FHOD3: variants seen among roughly 807,000 people sequenced by gnomAD.
FHOD3 encodes the protein formin homology 2 domain containing 3.
A neutral mutation model predicts 173.0 loss-of-function variants in FHOD3; 90 were observed. The observed-to-expected ratio is 0.52, with a 90% CI of 0.44 to 0.62. The LOEUF (loss-of-function observed/expected upper bound fraction) is 0.62, where lower values mean the gene tolerates loss of function less well. Among genes scored for constraint, FHOD3 ranks in the 20% least tolerant of loss-of-function variants. The pLI is 0.00. For missense variants in FHOD3, 1,945 were observed against 2,034.7 expected, an observed-to-expected ratio of 0.96 and a Z score of 0.85; for synonymous variants, 828 against 823.0, an observed-to-expected ratio of 1.01 and a Z score of -0.10.
At chr18:36,380,114 C>T (rs1405045711) in intron 3 of FHOD3, among the ~76,000 whole-genome samples, 1 of 151,926 alleles carries the variant, frequency 6.6e-6, no homozygotes, top group Non-Finnish European at 1.5e-5. Flanking sequence ...AAACTGCTAC[C>T]AGTTCAAGAT....
chr18:36,763,452 G>A (rs2042997761), intron 27 of FHOD3, among the ~76,000 whole-genome samples: 1 of 145,286 alleles, frequency 6.9e-6, no homozygotes, highest in Non-Finnish European at 1.5e-5. Context: ...TATATAATAT[G>A]CGTATTATAC....
At chr18:36,529,514 A>G (rs2056684826) in intron 5 of FHOD3, among the ~76,000 whole-genome samples, 1 of 152,096 alleles carries the variant, frequency 6.6e-6, no homozygotes, top group Non-Finnish European at 1.5e-5. Context: ...TATATGTTTT[A>G]CAGATGTAAA....
chr18:36,749,844 G>C (rs2150143328), intron 24 of FHOD3, among the ~76,000 whole-genome samples: 1 of 152,074 alleles, frequency 6.6e-6, no homozygotes, highest in South Asian at 2.1e-4. Context: ...ACCAACATCT[G>C]TTATTTTTTG....
intron 3 of FHOD3, among the ~76,000 whole-genome samples, chr18:36,472,224 G>A (rs963280631): frequency 6.6e-6 from 1 of 152,080 alleles, no homozygotes; most frequent in African/African-American, 2.4e-5. Flanking sequence ...TGGTGTTTTC[G>A]ATGAATACTT....
intron 24 of FHOD3, among the ~76,000 whole-genome samples, chr18:36,748,382 A>ACAAC (rs1555836081): frequency 1.2e-4 from 17 of 143,568 alleles, no homozygotes; most frequent in East Asian, 4.1e-4. Context: ...ACACACACAC[A>ACAAC]ACACACACAC....
chr18:36,589,613 ATTCGCAGGGACC>A (rs1222453631), intron 6 of FHOD3, among the ~76,000 whole-genome samples: 2 of 152,184 alleles, frequency 1.3e-5, no homozygotes, highest in African/African-American at 4.8e-5. Context: ...AGAATCTTGG[ATTCGCAGGGACC>A]TTACATGGGG....
intron 14 of FHOD3, among the ~76,000 whole-genome samples, chr18:36,676,428 G>C (rs2037860173): frequency 6.6e-6 from 1 of 151,988 alleles, no homozygotes; most frequent in African/African-American, 2.4e-5. Flanking sequence ...TTATTTGTAG[G>C]TATTTGTATA....
chr18:36,370,543 C>A (rs1240756260), intron 2 of FHOD3, among the ~76,000 whole-genome samples: 1 of 152,112 alleles, frequency 6.6e-6, no homozygotes, highest in Non-Finnish European at 1.5e-5. Context: ...GAAACACACA[C>A]TCAAAGTGCA....
chr18:36,567,855 A>G (rs1287090055), intron 5 of FHOD3, among the ~76,000 whole-genome samples: 1 of 152,104 alleles, frequency 6.6e-6, no homozygotes, highest in Non-Finnish European at 1.5e-5. Flanking sequence ...TGAGAACAGC[A>G]GGGGCATATG....
chr18:36,584,236 C>T (rs1362048715), intron 6 of FHOD3, among the ~76,000 whole-genome samples: 2 of 152,160 alleles, frequency 1.3e-5, no homozygotes, highest in Non-Finnish European at 2.9e-5. Flanking sequence ...ATAGAACACT[C>T]TCCCTCCCTA....
intron 3 of FHOD3, among the ~76,000 whole-genome samples, chr18:36,430,536 T>C (rs919376817): frequency 6.6e-6 from 1 of 152,256 alleles, no homozygotes; most frequent in African/African-American, 2.4e-5. Flanking sequence ...TTTAAAATTT[T>C]AAAAATGTTT....
rs2055046705 is a variant in FHOD3, at chr18:36,501,827, C to T, written c.338-105C>T. The T allele has an allele frequency of 5.2e-6, 4 of 773,648 alleles. No individual in the cohort carries two copies. In the South Asian group the frequency reaches 6.3e-5, roughly 12 times the overall value. The allele number at this position is 773,648 out of a possible 1,614,324, so 47.9% of individuals were successfully genotyped here. A position where few individuals can be genotyped will look rare whatever the true frequency, so the allele number is the denominator to read the frequency against. ...ATCCTGAATGAAATGAATAGGCTTTCATTACCTTTCCAGGGATAGTTTTGT... is the reference window on the plus strand; with the variant it reads ...ATCCTGAATGAAATGAATAGGCTTTTATTACCTTTCCAGGGATAGTTTTGT... On this transcript the variant is annotated intron_variant, in intron 3 of 28. Transcript: ENST00000590592.
intron 3 of FHOD3, among the ~76,000 whole-genome samples, chr18:36,396,112 T>C (rs1380483511): frequency 6.6e-6 from 1 of 152,204 alleles, no homozygotes; most frequent in Non-Finnish European, 1.5e-5. Context: ...AAAGTATTGC[T>C]TTTGAAAAGT....
chr18:36,755,278 G>A lies in FHOD3; in HGVS notation c.4392G>A (p.Glu1464=), dbSNP rs376080361. The A allele has an allele frequency of 5.0e-6, 8 of 1,605,164 alleles. No individual in the cohort carries two copies. Among genetic ancestry groups the A allele is most frequent in the East Asian group, 4.5e-5 (2 of 44,644 alleles). Residue 1464 remains glutamate (E), a synonymous_variant, in exon 25 of 29, where the codon GAG becomes GAA. Coordinates refer to ENST00000590592, the MANE Select transcript of FHOD3 (RefSeq NM_001281740.3). ...QQKQKRANHR[E]RNKTRGKMIT... ...AACAGAAACGGGCCAACCACAGAGA[G>A]AGAAATAAGACCAGAGGGAAGATGA...
chr18:36,594,807 A>G lies in FHOD3; in HGVS notation c.627A>G (p.Thr209=). Residue 209 remains threonine, a synonymous_variant, in exon 7 of 29, where the codon ACA becomes ACG. Coordinates refer to ENST00000590592, the MANE Select transcript of FHOD3 (RefSeq NM_001281740.3). The stretch of plus-strand genomic sequence containing the variant: ...GCCAGTTCCGCCTGGTGGTGAAGAC[A>G]GCCCTGAAGCTGCTGCTCGTCTTTG... ...IGSKFRLVVK[T]ALKLLLVFVE... The G allele has an allele frequency of 6.2e-7, 1 of 1,613,704 alleles. No homozygotes were observed. The highest frequency in any genetic ancestry group is 1.3e-5 in the African/African-American group (1 of 75,004).
At chr18:36,474,791 G>GC (rs1330308800) in intron 3 of FHOD3, among the ~76,000 whole-genome samples, 6 of 152,084 alleles carry the variant, frequency 3.9e-5, no homozygotes, top group African/African-American at 1.4e-4. Context: ...GAGCCAAGAA[G>GC]CCCCTTGGCC....
At chr18:36,338,257 C>G (rs2045427725) in intron 1 of FHOD3, among the ~76,000 whole-genome samples, 1 of 152,120 alleles carries the variant, frequency 6.6e-6, no homozygotes. Context: ...CAGAAATGAG[C>G]TAGGCAGGCA....
In FHOD3 at chr18:36,462,281, G is replaced by A. The variant is rs190604720; in HGVS notation, c.338-39651G>A. Among the ~76,000 whole-genome samples, 1,009 of 151,054 alleles carry A rather than the reference G, an allele frequency of 6.7e-3. 12 individuals carry two copies. The highest frequency in any genetic ancestry group is 0.023 in the African/African-American group (965 of 41,136). On this transcript the variant is annotated intron_variant, in intron 3 of 28. Transcript: ENST00000590592. ...CTTTCCCTCCAGCTACCTTCCTTCAGTTCTCTCGTGTGTGTGTGTGTGTGT... is the reference window on the plus strand; with the variant it reads ...CTTTCCCTCCAGCTACCTTCCTTCAATTCTCTCGTGTGTGTGTGTGTGTGT...
intron 4 of FHOD3, 100 bp from the exon 5 acceptor site, chr18:36,512,338 A>G (rs2055702747): frequency 2.4e-6 from 2 of 848,704 alleles, no homozygotes; most frequent in East Asian, 2.6e-5. Context: ...TGTAGGGTCC[A>G]TTCTGGCTTT....
Sources: gnomAD v4.1 joint callset for allele counts (sites outside exome capture counted in the v4.1 genomes callset) on GRCh38, gnomAD v4.1.1 for gene constraint, MANE v1.5 for transcripts, NCBI Gene and HGNC (gene_info 2026-07-23, HGNC 2026-07-21) for gene names.